ME1: variants seen among roughly 807,000 people sequenced by gnomAD.
ME1 encodes the protein malic enzyme 1, also known as NADP-dependent malic enzyme.
In ME1, 74 loss-of-function variants were observed where a neutral mutation model predicts 66.4. The observed-to-expected ratio is 1.11, with a 90% CI of 0.92 to 1.35. The LOEUF is 1.35. Among genes scored for constraint, ME1 ranks in the 40% most tolerant of loss-of-function variants. The probability of loss-of-function intolerance (pLI) is 0.00; values close to 1 mark genes in which losing one functional copy is unlikely to be tolerated. For missense variants in ME1, 750 were observed against 694.1 expected (o/e 1.08, Z -0.90); for synonymous variants, 251 against 235.6 (o/e 1.07, Z -0.60).
At chr6:83,375,032 G>T (rs1769260703) in intron 3 of ME1, among the ~76,000 whole-genome samples, 1 of 151,996 alleles carries the variant, frequency 6.6e-6, no homozygotes, top group African/African-American at 2.4e-5. Context: ...GGTAGCATGA[G>T]GCCTCTGGCT....
At chr6:83,278,028 T>G (rs1461714486) in intron 6 of ME1, among the ~76,000 whole-genome samples, 1 of 152,074 alleles carries the variant, frequency 6.6e-6, no homozygotes, top group Non-Finnish European at 1.5e-5. Context: ...GAGTTTCTGG[T>G]TCTTACATGT....
intron 6 of ME1, among the ~76,000 whole-genome samples, chr6:83,307,137 T>C (rs1333739880): frequency 1.3e-5 from 2 of 152,082 alleles, no homozygotes; most frequent in Non-Finnish European, 2.9e-5. Flanking sequence ...CATTATGGAA[T>C]ATAAGTGCAC....
At chr6:83,394,464 A>G (rs916014357) in intron 3 of ME1, among the ~76,000 whole-genome samples, 2 of 152,208 alleles carry the variant, frequency 1.3e-5, no homozygotes, top group African/African-American at 2.4e-5. Flanking sequence ...ATTTTAATGT[A>G]GTTTAGATCA....
At position 83,407,885 on chromosome 6, in the gene ME1, A is replaced by G. The variant is rs765974886; in HGVS notation, c.95T>C (p.Leu32Pro). 4 of 1,611,674 alleles carry G rather than the reference A, an allele frequency of 2.5e-6. No homozygotes were observed. Among genetic ancestry groups the G allele is most frequent in the East Asian group, 2.2e-5 (1 of 44,806 alleles). ...PHLNKDLAFT[L>P]EERQQLNIHG... ...AATGTTCAATTGCTGTCTCTCTTCC[A>G]GGGTAAAGGCCAAGTCCTATAGAGA... is the stretch of plus-strand genomic sequence containing the variant. Residue 32 changes from leucine (L) to proline (P), a missense_variant, in exon 2 of 14, where the codon CTG becomes CCG. Coordinates refer to ENST00000369705, the MANE Select transcript of ME1 (RefSeq NM_002395.6).
At chr6:83,410,443 A>C (rs1051157664) in intron 1 of ME1, among the ~76,000 whole-genome samples, 5 of 152,218 alleles carry the variant, frequency 3.3e-5, no homozygotes, top group African/African-American at 1.2e-4. Flanking sequence ...AAAATGGAAG[A>C]CAAACTTCAC....
intron 3 of ME1, chr6:83,392,866 C>A: frequency 1.3e-6 from 1 of 775,928 alleles, no homozygotes; most frequent in South Asian, 1.3e-5. Flanking sequence ...AGCAATGCCT[C>A]CTGCACCACC....
At chr6:83,389,450 G>C (rs1769577084) in intron 3 of ME1, among the ~76,000 whole-genome samples, 1 of 151,866 alleles carries the variant, frequency 6.6e-6, no homozygotes, top group Non-Finnish European at 1.5e-5. Flanking sequence ...ATATAGTTGA[G>C]ACAAAATGAA....
At chr6:83,273,894 ATGTAAAAGTATCCTACTTTTACAG>A (rs1767129656) in intron 6 of ME1, among the ~76,000 whole-genome samples, 1 of 152,248 alleles carries the variant, frequency 6.6e-6, no homozygotes, top group Non-Finnish European at 1.5e-5. Flanking sequence ...TAACTCCTTC[ATGTAAAAGTATCCTACTTTTACAG>A]TGTAAAAGTG....
At chr6:83,326,941 G>T (rs377599983) in intron 5 of ME1, among the ~76,000 whole-genome samples, 1 of 152,110 alleles carries the variant, frequency 6.6e-6, no homozygotes, top group East Asian at 1.9e-4. Flanking sequence ...CAGAGGGACC[G>T]GCTGAAGCCA....
chr6:83,415,475 G>A (rs540455698), intron 1 of ME1, among the ~76,000 whole-genome samples: 9 of 152,096 alleles, frequency 5.9e-5, no homozygotes, highest in Non-Finnish European at 8.8e-5. Flanking sequence ...GTACAATGTC[G>A]GGATGGAGCA....
At chr6:83,414,479 G>C (rs1770121686) in intron 1 of ME1, among the ~76,000 whole-genome samples, 1 of 151,862 alleles carries the variant, frequency 6.6e-6, no homozygotes, top group South Asian at 2.1e-4. Flanking sequence ...CTAAGTCTTG[G>C]CCTTTGATAC....
intron 6 of ME1, among the ~76,000 whole-genome samples, chr6:83,283,995 T>C (rs1767353555): frequency 6.6e-6 from 1 of 152,030 alleles, no homozygotes; most frequent in South Asian, 2.1e-4. Context: ...GCTAGCTAGA[T>C]TAACAAGGAA....
chr6:83,325,636 T>C (rs1321507451), intron 5 of ME1, among the ~76,000 whole-genome samples: 1 of 151,952 alleles, frequency 6.6e-6, no homozygotes, highest in Non-Finnish European at 1.5e-5. Context: ...GAGAATAAAG[T>C]ACCTAGGAAT....
At chr6:83,393,236 G>A (rs1026873452) in intron 3 of ME1, 4 of 1,135,992 alleles carry the variant, frequency 3.5e-6, no homozygotes, top group Non-Finnish European at 5.3e-6. Context: ...GCTACTCTGA[G>A]CACCAGGTGG....
intron 7 of ME1, among the ~76,000 whole-genome samples, chr6:83,245,426 A>G (rs1790600379): frequency 6.6e-6 from 1 of 151,782 alleles, no homozygotes; most frequent in Non-Finnish European, 1.5e-5. Context: ...TTTTTTTGAG[A>G]CAGGGTTTCG....
At chr6:83,221,839 TAATG>T (rs1790096822) in intron 12 of ME1, among the ~76,000 whole-genome samples, 1 of 151,828 alleles carries the variant, frequency 6.6e-6, no homozygotes, top group South Asian at 2.1e-4. Context: ...ACAAGGAAAA[TAATG>T]AGTGGGACAT....
rs201155002 is a variant in ME1 at position 83,237,401 on chromosome 6, A to G, written c.1026+316T>C. Among the ~76,000 whole-genome samples, 347 of 100,486 alleles carry G rather than the reference A, an allele frequency of 3.5e-3. 7 individuals carry two copies. Among genetic ancestry groups the G allele is most frequent in the East Asian group, 0.016 (61 of 3,894 alleles). 65.9% of individuals were successfully genotyped at this position (100,486 alleles called of 152,430 possible). On this transcript the variant is annotated intron_variant, in intron 9 of 13. Coordinates refer to ENST00000369705, the MANE Select transcript of ME1 (RefSeq NM_002395.6). Reference sequence around the variant, plus strand: ...GGAAGGAAAGGAAGGAAGGAAGGAAAGAAAGAAAAAGAAAGAAAGAAAGAG... The same window carrying G: ...GGAAGGAAAGGAAGGAAGGAAGGAAGGAAAGAAAAAGAAAGAAAGAAAGAG...
chr6:83,281,917 G>C (rs1209954826), intron 6 of ME1, among the ~76,000 whole-genome samples: 3 of 102,082 alleles, frequency 2.9e-5, no homozygotes, highest in East Asian at 6.2e-4. Context: ...TCAGCACAAA[G>C]AAACTTGTAA....
intron 6 of ME1, among the ~76,000 whole-genome samples, chr6:83,258,727 T>A (rs1331011685): frequency 1.3e-5 from 2 of 152,116 alleles, no homozygotes; most frequent in Non-Finnish European, 2.9e-5. Flanking sequence ...GAATGTATTA[T>A]CCACTTAACA....
Sources: allele counts gnomAD v4.1 joint callset (sites outside exome capture counted in the v4.1 genomes callset), GRCh38; gene constraint gnomAD v4.1.1; transcripts MANE v1.5; gene names NCBI Gene and HGNC (gene_info 2026-07-23, HGNC 2026-07-21).